DCDC1: variants seen among roughly 807,000 people sequenced by gnomAD.
DCDC1 encodes doublecortin domain-containing protein 1.
A neutral mutation model predicts 178.3 loss-of-function variants in DCDC1; 200 were observed. That is an observed-to-expected ratio of 1.12 (90% CI 1.00 to 1.26). DCDC1 has a LOEUF of 1.26. Ranked by LOEUF, DCDC1 falls within the 50% of genes most tolerant of loss-of-function variation. DCDC1 has a pLI of 0.00. For missense variants in DCDC1, 1,983 were observed against 1,749.2 expected (o/e 1.13, Z -2.38); for synonymous variants, 690 against 604.8 (o/e 1.14, Z -2.07).
At chr11:31,216,495 T>G (rs1353102950) in intron 9 of DCDC1, among the ~76,000 whole-genome samples, 2 of 152,180 alleles carry the variant, frequency 1.3e-5, no homozygotes. Context: ...CACTGTAGAA[T>G]CCAAACTACT....
chr11:31,121,356 T>A (rs1055333344), intron 11 of DCDC1, among the ~76,000 whole-genome samples: 1 of 150,428 alleles, frequency 6.6e-6, no homozygotes, highest in Non-Finnish European at 1.5e-5. Context: ...GTTTCCATTT[T>A]TTTTTAAACA....
rs534656484 is a variant in DCDC1, at chr11:31,337,652, C to A, written c.-124-2088G>T. ...TGCACTCCTGCCTGGGTGAGTGAGA[C>A]CCTGTCTCAATCAATCAATCAATCA... is the stretch of plus-strand genomic sequence containing the variant. On this transcript the variant is annotated intron_variant, in intron 1 of 38. Transcript: ENST00000684477. Among the ~76,000 whole-genome samples, 910 of 126,630 alleles carry A rather than the reference C, an allele frequency of 7.2e-3. 10 individuals carry two copies. Among genetic ancestry groups the A allele is most frequent in the African/African-American group, 0.027 (849 of 31,018 alleles). The allele number at this position is 126,630 out of a possible 152,430, so 83.1% of individuals were successfully genotyped here.
At chr11:30,876,548 C>T (rs192486820) in intron 38 of DCDC1, among the ~76,000 whole-genome samples, 39 of 152,202 alleles carry the variant, frequency 2.6e-4, no homozygotes, top group African/African-American at 9.4e-4. Flanking sequence ...ATCTAAAATC[C>T]CATTTACTAG....
intron 7 of DCDC1, among the ~76,000 whole-genome samples, chr11:31,287,536 C>T (rs1385953400): frequency 6.6e-6 from 1 of 151,850 alleles, no homozygotes; most frequent in East Asian, 1.9e-4. Context: ...AATTTGAACA[C>T]TGTCAATAAA....
intron 20 of DCDC1, among the ~76,000 whole-genome samples, chr11:31,056,637 A>T (rs1047185765): frequency 1.7e-4 from 26 of 152,280 alleles, no homozygotes; most frequent in African/African-American, 6.0e-4. Flanking sequence ...AACAATTCCA[A>T]AATTGTATGT....
intron 20 of DCDC1, among the ~76,000 whole-genome samples, chr11:31,016,554 G>C (rs763147700): frequency 6.6e-6 from 1 of 152,118 alleles, no homozygotes; most frequent in African/African-American, 2.4e-5. Flanking sequence ...CTTGGGTTGC[G>C]GTGGGTGGCA....
chr11:31,226,860 T>C (rs1975032392), intron 9 of DCDC1, among the ~76,000 whole-genome samples: 1 of 152,118 alleles, frequency 6.6e-6, no homozygotes, highest in Admixed American at 6.6e-5. Flanking sequence ...ACATTTTTTC[T>C]CATTTTTAAA....
intron 18 of DCDC1, among the ~76,000 whole-genome samples, chr11:31,069,044 G>C (rs1361693734): frequency 6.6e-6 from 1 of 151,860 alleles, no homozygotes; most frequent in Non-Finnish European, 1.5e-5. Context: ...GTAGAGACAG[G>C]GTTTCACCGT....
At chr11:30,986,249 A>G (rs1950634335) in intron 20 of DCDC1, among the ~76,000 whole-genome samples, 4 of 151,994 alleles carry the variant, frequency 2.6e-5, no homozygotes, top group Non-Finnish European at 5.9e-5. Flanking sequence ...CAATAGTAAA[A>G]GATTTCCTGC....
rs192888380 is a variant in DCDC1 at position 31,303,023 on chromosome 11, C to G, written c.754+2592G>C. On this transcript the variant is annotated intron_variant, in intron 6 of 38. Transcript: ENST00000684477. ...TTGAAGGATTCATAACTTATCTACT[C>G]AGTTTAAGTTCCTTAAAGGCCAGGA... Among the ~76,000 whole-genome samples, 8 of 152,290 alleles carry G rather than the reference C, an allele frequency of 5.3e-5. No homozygotes were observed. In the South Asian group the frequency reaches 8.3e-4, roughly 16 times the overall value.
intron 9 of DCDC1, among the ~76,000 whole-genome samples, chr11:31,223,772 T>A (rs1974566296): frequency 6.6e-6 from 1 of 152,122 alleles, no homozygotes; most frequent in South Asian, 2.1e-4. Context: ...ATCATTTATA[T>A]AAAGTACAAA....
At position 30,911,755 on chromosome 11, in the gene DCDC1, T is replaced by C. The variant is rs529977076; in HGVS notation, c.3654-335A>G. The stretch of plus-strand genomic sequence containing the variant: ...ACCTTCATAGCCCGGGCTTGCCTAT[T>C]GCTCCTTTGCTCACTTTCTCCTGAC... On this transcript the variant is annotated intron_variant, in intron 27 of 38. Transcript: ENST00000684477. 9.2e-5 allele frequency among the ~76,000 whole-genome samples: 14 copies of C among 152,260 alleles called. No homozygotes were observed. In the South Asian group the frequency reaches 2.9e-3, roughly 32 times the overall value.
chr11:31,137,355 G>GT (rs35286625), intron 10 of DCDC1, among the ~76,000 whole-genome samples: 36,645 of 138,424 alleles, frequency 0.26, 4,911 homozygotes, highest in African/African-American at 0.32. Flanking sequence ...TTCATTGCAG[G>GT]TTTTTTTTTT....
At chr11:31,129,878 T>C (rs76033077) in intron 10 of DCDC1, among the ~76,000 whole-genome samples, 1 of 152,248 alleles carries the variant, frequency 6.6e-6, no homozygotes, top group East Asian at 1.9e-4. Flanking sequence ...CCCTTTATAA[T>C]CTGATCTCTA....
chr11:31,242,490 T>C (rs1054549538), intron 8 of DCDC1, among the ~76,000 whole-genome samples: 9 of 151,954 alleles, frequency 5.9e-5, no homozygotes, highest in Non-Finnish European at 5.9e-5. Flanking sequence ...AAGTAAATGA[T>C]ATTTTTCTTT....
chr11:31,091,558 A>T, intron 16 of DCDC1, 47 bp from the exon 17 acceptor site: 1 of 701,228 alleles, frequency 1.4e-6, no homozygotes, highest in Non-Finnish European at 2.6e-6. Context: ...AAGTTAAAAG[A>T]ACCAGAAAAT....
chr11:31,223,297 A>G (rs1974503956), intron 9 of DCDC1, among the ~76,000 whole-genome samples: 1 of 152,158 alleles, frequency 6.6e-6, no homozygotes, highest in Non-Finnish European at 1.5e-5. Flanking sequence ...ATTAACTATT[A>G]TTTGATAAAT....
Position 30,873,364 on chromosome 11 carries a change from TAGAGAG to T in DCDC1, c.*40+5174_*40+5179del, listed in dbSNP as rs3076153. Among the ~76,000 whole-genome samples, 5 of 137,084 alleles carry T rather than the reference TAGAGAG, an allele frequency of 3.6e-5. No individual in the cohort carries two copies. In the South Asian group the frequency reaches 7.4e-4, roughly 20 times the overall value. 89.9% of individuals were successfully genotyped at this position (137,084 alleles called of 152,430 possible). ...ATATACATATATATATATATATATA[TAGAGAG>T]AGAGAGAGAGAGAGAGAACAAACTG... On this transcript the variant is annotated intron_variant, in intron 38 of 38. Transcript: ENST00000684477.
At chr11:31,200,602 A>G (rs1971181772) in intron 9 of DCDC1, among the ~76,000 whole-genome samples, 1 of 152,066 alleles carries the variant, frequency 6.6e-6, no homozygotes, top group South Asian at 2.1e-4. Flanking sequence ...TTAGATATTC[A>G]TCTATTCAAG....
Sources: allele counts gnomAD v4.1 joint callset (sites outside exome capture counted in the v4.1 genomes callset), GRCh38; gene constraint gnomAD v4.1.1; transcripts MANE v1.5; gene names NCBI Gene and HGNC (gene_info 2026-07-23, HGNC 2026-07-21).